Variants in RIMS3 observed in about 807,000 individuals in gnomAD.
RIMS3 encodes the protein regulating synaptic membrane exocytosis protein 3.
In RIMS3, 15 loss-of-function variants were observed where a neutral mutation model predicts 29.2. The observed-to-expected ratio is 0.51, with a 90% CI of 0.34 to 0.79. The LOEUF is 0.79. Among genes scored for constraint, RIMS3 ranks in the 30% least tolerant of loss-of-function variants. RIMS3 has a pLI of 0.01. For missense variants in RIMS3, 342 were observed against 421.4 expected, an observed-to-expected ratio of 0.81 and a Z score of 1.65; for synonymous variants, 161 against 170.1, an observed-to-expected ratio of 0.95 and a Z score of 0.41.
At chr1:40,682,741 C>CTTTTTTT in the RIMS3 span, among the ~76,000 whole-genome samples, 4,474 of 77,154 alleles carry the variant, frequency 0.058, 1,146 homozygotes, top group African/African-American at 0.21. Context: ...CTTTGCAGAT[C>CTTTTTTT]TTTTTTTTTT....
At chr1:40,652,604 A>C (rs560805408) in intron 1 of RIMS3, among the ~76,000 whole-genome samples, 1 of 152,354 alleles carries the variant, frequency 6.6e-6, no homozygotes, top group African/African-American at 2.4e-5. Context: ...CGTTGTGTTC[A>C]GAGGCTGGCG....
chr1:40,689,445 C>G, the RIMS3 span, among the ~76,000 whole-genome samples: 2 of 152,158 alleles, frequency 1.3e-5, no homozygotes, highest in African/African-American at 4.8e-5. Flanking sequence ...CCACACCTGG[C>G]TAATTTTTTT....
rs776659237 is a variant in RIMS3, at chr1:40,636,054, C to T, written c.221G>A (p.Gly74Glu). ...KSTLQLPQPE[G>E]ATKKLRSNIR... ...GTTGCTGCGCAGCTTCTTGGTGGCCCCTTCTGTGACCCCCCCAACCCCAAG... is the reference window on the plus strand; with the variant it reads ...GTTGCTGCGCAGCTTCTTGGTGGCCTCTTCTGTGACCCCCCCAACCCCAAG... The change falls in exon 4 of 8, where the codon GGG (glycine) becomes GAG (glutamate). Residue 74 changes from glycine (G) to glutamate (E), a missense_variant. Physicochemically the swap from Gly to Glu is moderately conservative, Grantham distance 98. Transcript: ENST00000372684. This position sits in a 1 kb window ranked among gnomAD's most constrained non-coding sequence, Gnocchi z 4.2. The T allele has an allele frequency of 3.7e-5, 59 of 1,602,782 alleles. No homozygotes were observed. The South Asian group carries it at 5.8e-4, about 16-fold the overall frequency.
chr1:40,669,674 G>A (rs1052931558), upstream of RIMS3: 1 of 152,296 alleles, frequency 6.6e-6, no homozygotes, highest in Non-Finnish European at 1.5e-5. Context: ...GGGCTTGGGG[G>A]AGGAGCAGTG....
At chr1:40,660,002 GC>G (rs1642328862) in intron 1 of RIMS3, among the ~76,000 whole-genome samples, 3 of 152,212 alleles carry the variant, frequency 2.0e-5, no homozygotes, top group African/African-American at 7.2e-5. Flanking sequence ...AGAAAGCGGG[GC>G]AAGAACAAAT....
At chr1:40,679,197 T>C in the RIMS3 span, among the ~76,000 whole-genome samples, 5 of 152,120 alleles carry the variant, frequency 3.3e-5, no homozygotes, top group African/African-American at 1.2e-4. Flanking sequence ...CCACCACTGC[T>C]GGAAAGGCTG....
intron 5 of RIMS3, among the ~76,000 whole-genome samples, chr1:40,632,529 A>G (rs1437993299): frequency 6.7e-6 from 1 of 149,544 alleles, no homozygotes; most frequent in African/African-American, 2.5e-5. Context: ...TACTTATAAT[A>G]CCTAACACAA....
chr1:40,627,491 G>A (rs1468585244), intron 7 of RIMS3, among the ~76,000 whole-genome samples: 1 of 152,194 alleles, frequency 6.6e-6, no homozygotes, highest in African/African-American at 2.4e-5. Flanking sequence ...GCCTCCCAAA[G>A]TGCTGGGATT....
At chr1:40,672,665 T>C in the RIMS3 span, among the ~76,000 whole-genome samples, 3 of 152,184 alleles carry the variant, frequency 2.0e-5, no homozygotes, top group African/African-American at 7.2e-5. Flanking sequence ...ACTGAGCAGC[T>C]ACTCTGAGCC....
rs150447957 is a variant in RIMS3, at chr1:40,628,824, C to T, written c.700G>A (p.Gly234Ser). Reference sequence around the variant, plus strand: ...GTGACACCCACCTGCAGCACCTTGCCCTGGGGTCCCTCGTCAAAGAGCAGA... The same window carrying T: ...GTGACACCCACCTGCAGCACCTTGCTCTGGGGTCCCTCGTCAAAGAGCAGA... Reference protein sequence around the residue: ...QALLFDEGPQGKVLQVIVWGD... With the variant: ...QALLFDEGPQSKVLQVIVWGD... Residue 234 changes from glycine (G) to serine (S), a missense_variant, in exon 7 of 8, where the codon GGC becomes AGC. By Grantham distance (56) the Gly-to-Ser change is moderately conservative. Transcript: ENST00000372684. The T allele has an allele frequency of 2.0e-3, 3,192 of 1,614,152 alleles. 6 individuals carry two copies. The highest frequency in any genetic ancestry group is 2.4e-3 in the Non-Finnish European group (2,871 of 1,180,026).
At chr1:40,629,848 G>A (rs927177210) in intron 5 of RIMS3, among the ~76,000 whole-genome samples, 7 of 151,984 alleles carry the variant, frequency 4.6e-5, no homozygotes, top group Admixed American at 2.0e-4. Context: ...AGGCAGAGGC[G>A]GGCAGATCAT....
chr1:40,667,926 G>A (rs778275237), upstream of RIMS3, among the ~76,000 whole-genome samples: 32 of 152,120 alleles, frequency 2.1e-4, no homozygotes, highest in Non-Finnish European at 4.1e-4. Context: ...ACTAGCCTGG[G>A]CAACATGGCA....
At chr1:40,664,713 T>C (rs949027627) in intron 1 of RIMS3, among the ~76,000 whole-genome samples, 1 of 151,998 alleles carries the variant, frequency 6.6e-6, no homozygotes, top group African/African-American at 2.4e-5. Flanking sequence ...CAGGGCTGAG[T>C]TGTCCAGAGG....
Position 40,641,897 on chromosome 1 carries a change from G to A in RIMS3, c.29C>T (p.Ser10Leu). The change falls in exon 3 of 8, where the codon TCA (serine) becomes TTA (leucine). Residue 10 changes from serine to leucine, a missense_variant. Ser to Leu is a moderately radical substitution (Grantham distance 145, BLOSUM62 -2). Coordinates refer to ENST00000372684, the MANE Select transcript of RIMS3 (RefSeq NM_014747.3). The stretch of plus-strand genomic sequence containing the variant: ...CACCACATTCCTGGAGGCCCCAGAT[G>A]AGGCAGGACCTGGCTCCCCGTTAAA... MFNGEPGPA[S>L]SGASRNVVRS... 1 of 1,613,772 alleles carries A rather than the reference G, an allele frequency of 6.2e-7. No homozygotes were observed.
chr1:40,636,042 T>A lies in RIMS3; in HGVS notation c.233A>T (p.Lys78Met), dbSNP rs747099834. The change falls in exon 4 of 8, where the codon AAG (lysine) becomes ATG (methionine). Residue 78 changes from lysine to methionine, a missense_variant. Lys to Met is a moderately conservative substitution (Grantham distance 95). Transcript: ENST00000372684. The surrounding 1 kb of genome is among the most constrained non-coding windows in gnomAD (Gnocchi z 4.2). ...QLPQPEGATKKLRSNIRRSTE... is the reference protein window; with the variant it reads ...QLPQPEGATKMLRSNIRRSTE... ...GCTCCGGCGGATGTTGCTGCGCAGC[T>A]TCTTGGTGGCCCCTTCTGTGACCCC... 2 of 1,604,114 alleles carry A rather than the reference T, an allele frequency of 1.2e-6. No individual in the cohort carries two copies. The highest frequency in any genetic ancestry group is 1.7e-6 in the Non-Finnish European group (2 of 1,179,918).
intron 1 of RIMS3, among the ~76,000 whole-genome samples, chr1:40,659,202 A>G (rs1642315187): frequency 1.3e-5 from 2 of 152,176 alleles, no homozygotes; most frequent in African/African-American, 4.8e-5. Flanking sequence ...AGCAAAGGGA[A>G]CAGCAAGTGC....
the RIMS3 span, among the ~76,000 whole-genome samples, chr1:40,679,512 T>C: frequency 1.3e-5 from 2 of 152,256 alleles, no homozygotes; most frequent in African/African-American, 4.8e-5. Context: ...TGGACATTAG[T>C]TGAAACATTC....
chr1:40,676,108 A>AC, the RIMS3 span, among the ~76,000 whole-genome samples: 2 of 152,058 alleles, frequency 1.3e-5, no homozygotes, highest in African/African-American at 2.4e-5. Flanking sequence ...TGAGTCCTAG[A>AC]CCTCTATCCT....
intron 1 of RIMS3, among the ~76,000 whole-genome samples, chr1:40,649,139 G>T (rs967323823): frequency 6.6e-6 from 1 of 152,136 alleles, no homozygotes; most frequent in African/African-American, 2.4e-5. Context: ...TCTCCTAGTT[G>T]TGCAGACCTT....
Sources: allele counts gnomAD v4.1 joint callset (sites outside exome capture counted in the v4.1 genomes callset), GRCh38; gene constraint gnomAD v4.1.1; non-coding constraint Gnocchi (gnomAD v3.1); transcripts MANE v1.5; gene names NCBI Gene and HGNC (gene_info 2026-07-23, HGNC 2026-07-21).